The following ASH1L variants were observed in gnomAD, a reference collection of about 807,000 sequenced individuals.
ASH1L encodes the protein ASH1 like histone lysine methyltransferase.
A neutral mutation model predicts 269.0 loss-of-function variants in ASH1L; 23 were observed. The ratio of observed to expected loss-of-function variants is 0.09; its 90% CI spans 0.06 to 0.12. ASH1L has a LOEUF of 0.12. ASH1L is among the 10% of genes least tolerant of loss of function. The pLI is 1.00. For missense variants in ASH1L, 2,912 were observed against 3,567.8 expected, an observed-to-expected ratio of 0.82 and a Z score of 4.68; for synonymous variants, 1,187 against 1,253.5, an observed-to-expected ratio of 0.95 and a Z score of 1.12.
intron 12 of ASH1L, 183 bp downstream of exon 12, chr1:155,370,317 ATATC>A: frequency 1.5e-6 from 1 of 668,524 alleles, no homozygotes; most frequent in Non-Finnish European, 2.5e-6. Flanking sequence ...AAAAACAAAA[ATATC>A]TGTCTGGGAG....
chr1:155,547,345 T>C (rs554179741), intron 1 of ASH1L, among the ~76,000 whole-genome samples: 1 of 151,738 alleles, frequency 6.6e-6, no homozygotes, highest in East Asian at 1.9e-4. Flanking sequence ...TGCAGCACTA[T>C]TTACAATAGC....
chr1:155,449,687 T>G (rs1488089449), intron 4 of ASH1L, among the ~76,000 whole-genome samples: 1 of 152,046 alleles, frequency 6.6e-6, no homozygotes, highest in African/African-American at 2.4e-5. Flanking sequence ...GCCTGGCTAC[T>G]TTTTTGTATT....
intron 1 of ASH1L, among the ~76,000 whole-genome samples, chr1:155,556,595 C>A (rs919022005): frequency 3.9e-5 from 6 of 151,962 alleles, no homozygotes; most frequent in African/African-American, 1.2e-4. Flanking sequence ...CAGGCACATG[C>A]CACCTGCGCC....
At chr1:155,560,554 C>T (rs1263523189) in intron 1 of ASH1L, among the ~76,000 whole-genome samples, 1 of 152,176 alleles carries the variant, frequency 6.6e-6, no homozygotes, top group Non-Finnish European at 1.5e-5. Flanking sequence ...CCTCCCTCAA[C>T]TTAATACCCA....
In ASH1L at chr1:155,395,540, A is replaced by G; in HGVS notation, c.6022T>C (p.Leu2008=). The G allele has an allele frequency of 6.2e-7, 1 of 1,604,724 alleles. No homozygotes were observed. The highest frequency in any genetic ancestry group is 8.5e-7 in the Non-Finnish European group (1 of 1,174,720). The stretch of plus-strand genomic sequence containing the variant: ...AGCTTCTCTTTCTTTAATTGGATCA[A>G]TCGACTCTTTGGGCTGTGATAAAAA... ...VYKTTDPKSR[L]IQLKKEKLEY... is the part of the protein sequence containing the mutation. Residue 2008 remains leucine, a synonymous_variant, in exon 7 of 28, where the codon TTG becomes CTG. Transcript: ENST00000392403.
chr1:155,435,840 C>T (rs946467416), intron 5 of ASH1L, among the ~76,000 whole-genome samples: 27 of 152,200 alleles, frequency 1.8e-4, no homozygotes, highest in African/African-American at 6.5e-4. Flanking sequence ...CACCTGAGGT[C>T]AGGAGTTCGA....
intron 2 of ASH1L, among the ~76,000 whole-genome samples, chr1:155,488,264 AT>A (rs1363428090): frequency 6.6e-6 from 1 of 152,104 alleles, no homozygotes; most frequent in African/African-American, 2.4e-5. Flanking sequence ...CCCACAGTAA[AT>A]GGTCTATGAC....
chr1:155,343,048 G>T lies in ASH1L; in HGVS notation c.8293+266C>A. 9 of 279,700 alleles carry T rather than the reference G, an allele frequency of 3.2e-5. No homozygotes were observed. Among genetic ancestry groups the T allele is most frequent in the South Asian group, 9.0e-5 (1 of 11,058 alleles). The allele number at this position is 279,700 out of a possible 1,614,324, so 17.3% of individuals were successfully genotyped here. A position where few individuals can be genotyped will look rare whatever the true frequency, so the allele number is the denominator to read the frequency against. ...TTTTTTTGAGGCAGGGTTTCATTCT[G>T]TTGCACAGGTTGGAGTGCAGTGGTG... On this transcript the variant is annotated intron_variant, in intron 24 of 27. Coordinates refer to ENST00000392403, the MANE Select transcript of ASH1L (RefSeq NM_018489.3). The surrounding 1 kb of genome is among the most constrained non-coding windows in gnomAD (Gnocchi z 6.1).
chr1:155,375,464 A>C (rs189850892), intron 10 of ASH1L, among the ~76,000 whole-genome samples: 2 of 152,314 alleles, frequency 1.3e-5, no homozygotes, highest in Non-Finnish European at 2.9e-5. Context: ...ACAATTTGTC[A>C]TTATCTTTAG....
intron 17 of ASH1L, among the ~76,000 whole-genome samples, chr1:155,349,986 T>A (rs1432297948): frequency 6.7e-6 from 1 of 150,040 alleles, no homozygotes; most frequent in South Asian, 2.1e-4. Flanking sequence ...ACCTCCCGGG[T>A]TCATGCCATT....
chr1:155,446,035 CTTTTT>C (rs77905341), intron 4 of ASH1L, among the ~76,000 whole-genome samples: 2 of 119,996 alleles, frequency 1.7e-5, no homozygotes, highest in Non-Finnish European at 3.6e-5. Flanking sequence ...CTACACTGTA[CTTTTT>C]TTTTTTTTTT....
At chr1:155,377,646 T>C (rs986229217) in intron 10 of ASH1L, among the ~76,000 whole-genome samples, 1 of 152,134 alleles carries the variant, frequency 6.6e-6, no homozygotes, top group Non-Finnish European at 1.5e-5. Flanking sequence ...AACAGTCTCA[T>C]ATAATCTCCA....
intron 1 of ASH1L, among the ~76,000 whole-genome samples, chr1:155,529,351 CT>C (rs35984917): frequency 0.5 from 67,617 of 133,940 alleles, 16,033 homozygotes; most frequent in Middle Eastern, 0.68. Flanking sequence ...TTGCCAGCAT[CT>C]TTTTTTTTTT....
At chr1:155,377,816 T>C (rs768461771) in intron 10 of ASH1L, among the ~76,000 whole-genome samples, 207 of 152,158 alleles carry the variant, frequency 1.4e-3, no homozygotes, top group Non-Finnish European at 2.1e-3. Context: ...CGAGGTCAGA[T>C]TGAGATCATC....
At chr1:155,437,756 C>T (rs1348678702) in intron 5 of ASH1L, among the ~76,000 whole-genome samples, 1 of 152,168 alleles carries the variant, frequency 6.6e-6, no homozygotes, top group South Asian at 2.1e-4. Context: ...AGAGCTCATA[C>T]ATCTCTATAT....
Position 155,481,358 on chromosome 1 carries a change from G to A in ASH1L, c.1512C>T (p.Asp504=), listed in dbSNP as rs1665948398. 3.1e-6 allele frequency: 5 copies of A among 1,614,178 alleles called. No individual in the cohort carries two copies. The highest frequency in any genetic ancestry group is 3.4e-6 in the Non-Finnish European group (4 of 1,180,006). The change falls in exon 3 of 28, where the codon GAC becomes GAT. Residue 504 remains aspartate, a synonymous_variant. Coordinates refer to ENST00000392403, the MANE Select transcript of ASH1L (RefSeq NM_018489.3). ...ATCCCTTTTCACTGGATGAGAAACT[G>A]TCTTGCTGAATGCATGTTCCTTCAT... ...MFNEGTCIQQ[D]SFSSSEKGSY...
At position 155,343,071 on chromosome 1, in the gene ASH1L, G is replaced by A; in HGVS notation, c.8293+243C>T. 1 of 411,772 alleles carries A rather than the reference G, an allele frequency of 2.4e-6. No homozygotes were observed. Among genetic ancestry groups the A allele is most frequent in the East Asian group, 4.3e-5 (1 of 23,422 alleles). The allele number at this position is 411,772 out of a possible 1,614,324, so 25.5% of individuals were successfully genotyped here. A position where few individuals can be genotyped will look rare whatever the true frequency, so the allele number is the denominator to read the frequency against. ...CTGTTGCACAGGTTGGAGTGCAGTG[G>A]TGCGATCTTGGCTCACTGCAACCTC... On this transcript the variant is annotated intron_variant, in intron 24 of 27. Coordinates refer to ENST00000392403, the MANE Select transcript of ASH1L (RefSeq NM_018489.3). The surrounding 1 kb of genome is among the most constrained non-coding windows in gnomAD (Gnocchi z 6.1).
intron 2 of ASH1L, among the ~76,000 whole-genome samples, chr1:155,491,005 A>G (rs1480791854): frequency 3.7e-5 from 3 of 82,088 alleles, no homozygotes; most frequent in Non-Finnish European, 7.8e-5. Flanking sequence ...AAAAAAAAAA[A>G]AAAAAAAAAG....
At chr1:155,555,496 C>CAAA (rs57151613) in intron 1 of ASH1L, among the ~76,000 whole-genome samples, 15 of 55,032 alleles carry the variant, frequency 2.7e-4, no homozygotes, top group African/African-American at 5.8e-4. Context: ...GACTCTGTCT[C>CAAA]AAAAAAAAAA....
Sources: allele counts gnomAD v4.1 joint callset (sites outside exome capture counted in the v4.1 genomes callset), GRCh38; gene constraint gnomAD v4.1.1; non-coding constraint Gnocchi (gnomAD v3.1); transcripts MANE v1.5; gene names NCBI Gene and HGNC (gene_info 2026-07-23, HGNC 2026-07-21).